Variants in PARN observed in about 807,000 individuals in gnomAD.
The protein encoded by PARN is poly(A)-specific ribonuclease, also known as poly(A)-specific ribonuclease PARN.
A neutral mutation model predicts 102.8 loss-of-function variants in PARN; 71 were observed. The observed-to-expected ratio is 0.69, with a 90% CI of 0.57 to 0.84. PARN has a LOEUF of 0.84. PARN is among the 40% of genes least tolerant of loss of function. The pLI, the probability that PARN is intolerant of heterozygous loss-of-function variation, is 0.00. For synonymous variants in PARN, 261 were observed against 252.9 expected (o/e 1.03, Z -0.30); for missense variants, 782 against 760.9 (o/e 1.03, Z -0.33).
chr16:14,514,223 C>T (rs1161577959), intron 21 of PARN, among the ~76,000 whole-genome samples: 3 of 152,266 alleles, frequency 2.0e-5, no homozygotes, highest in African/African-American at 7.2e-5. Context: ...TTTGCTCTGT[C>T]ACCCAGGCTG....
At chr16:14,598,795 G>A (rs1970687844) in intron 12 of PARN, among the ~76,000 whole-genome samples, 1 of 152,160 alleles carries the variant, frequency 6.6e-6, no homozygotes, top group Non-Finnish European at 1.5e-5. Context: ...GTGTTTACAA[G>A]CCTGCAGCTG....
At chr16:14,463,826 A>C (rs566401404) in intron 22 of PARN, among the ~76,000 whole-genome samples, 1 of 137,048 alleles carries the variant, frequency 7.3e-6, no homozygotes, top group South Asian at 2.5e-4. Flanking sequence ...AAAAAGTCCA[A>C]ACTTTTTTTT....
chr16:14,570,358 A>C (rs1968721830), intron 18 of PARN, among the ~76,000 whole-genome samples: 1 of 149,936 alleles, frequency 6.7e-6, no homozygotes, highest in African/African-American at 2.4e-5. Context: ...AGAAAAGAAA[A>C]AGGAAAGAGG....
chr16:14,595,355 C>T (rs1970438065), intron 12 of PARN, among the ~76,000 whole-genome samples: 1 of 151,980 alleles, frequency 6.6e-6, no homozygotes, highest in Non-Finnish European at 1.5e-5. Context: ...CGCACACACA[C>T]ACAAACACAC....
chr16:14,623,409 G>C (rs553979668), intron 5 of PARN, among the ~76,000 whole-genome samples: 3 of 152,090 alleles, frequency 2.0e-5, no homozygotes, highest in Non-Finnish European at 4.4e-5. Flanking sequence ...AGCCACTCCA[G>C]AGGCTCAGGC....
intron 21 of PARN, among the ~76,000 whole-genome samples, chr16:14,499,995 T>C (rs1242511319): frequency 6.6e-6 from 1 of 152,192 alleles, no homozygotes; most frequent in Non-Finnish European, 1.5e-5. Context: ...CAACACAAAT[T>C]AGGAAACTGA....
At chr16:14,574,414 T>G (rs1416906721) in intron 18 of PARN, among the ~76,000 whole-genome samples, 1 of 152,036 alleles carries the variant, frequency 6.6e-6, no homozygotes, top group Non-Finnish European at 1.5e-5. Context: ...CCTGACAATG[T>G]GATAGACAAG....
intron 23 of PARN, among the ~76,000 whole-genome samples, chr16:14,441,194 T>C (rs1294216999): frequency 6.6e-6 from 1 of 152,184 alleles, no homozygotes; most frequent in Non-Finnish European, 1.5e-5. Flanking sequence ...GCAACAATGC[T>C]TGTTACCACA....
intron 13 of PARN, among the ~76,000 whole-genome samples, chr16:14,592,518 G>C (rs1596783690): frequency 1.3e-5 from 2 of 152,220 alleles, no homozygotes; most frequent in Non-Finnish European, 2.9e-5. Flanking sequence ...AGAGCCAGTA[G>C]AGGAACCAAA....
chr16:14,610,094 T>C (rs1332312262), intron 7 of PARN, among the ~76,000 whole-genome samples: 1 of 152,176 alleles, frequency 6.6e-6, no homozygotes, highest in Non-Finnish European at 1.5e-5. Context: ...TCTGACCACG[T>C]ACTGAAATCT....
In PARN at chr16:14,436,596, T is replaced by C; in HGVS notation, c.*121A>G. On this transcript the variant is annotated 3_prime_UTR_variant, in exon 24 of 24. Coordinates refer to ENST00000437198, the MANE Select transcript of PARN (RefSeq NM_002582.4). The stretch of plus-strand genomic sequence containing the variant: ...TGTTTTCTCCCCCCCAGGAGACAAC[T>C]TGGTTTCCAACCCCTCCCATACCAC... 2 of 695,698 alleles carry C rather than the reference T, an allele frequency of 2.9e-6. No individual in the cohort carries two copies. The highest frequency in any genetic ancestry group is 2.5e-6 in the Non-Finnish European group (1 of 401,336). 43.1% of individuals were successfully genotyped at this position (695,698 alleles called of 1,614,324 possible).
intron 21 of PARN, among the ~76,000 whole-genome samples, chr16:14,500,030 T>C (rs1377577289): frequency 6.6e-6 from 1 of 152,204 alleles, no homozygotes; most frequent in African/African-American, 2.4e-5. Flanking sequence ...AAGTCAGGTA[T>C]ACAGAGAGAA....
At chr16:14,491,725 C>T (rs1964067184) in intron 21 of PARN, among the ~76,000 whole-genome samples, 1 of 152,072 alleles carries the variant, frequency 6.6e-6, no homozygotes, top group South Asian at 2.1e-4. Flanking sequence ...TAAGCCAAGA[C>T]TGCACCACTA....
At chr16:14,568,988 G>C (rs993619762) in intron 18 of PARN, among the ~76,000 whole-genome samples, 1 of 152,008 alleles carries the variant, frequency 6.6e-6, no homozygotes, top group African/African-American at 2.4e-5. Flanking sequence ...GAGGTGGGCG[G>C]ATCACTTGAG....
intron 23 of PARN, among the ~76,000 whole-genome samples, chr16:14,439,885 G>C (rs1350255310): frequency 6.6e-6 from 1 of 151,962 alleles, no homozygotes; most frequent in Non-Finnish European, 1.5e-5. Context: ...CGTGGTGGCA[G>C]GCGCCTGTAA....
chr16:14,533,784 C>T (rs1966487854), intron 21 of PARN, among the ~76,000 whole-genome samples: 1 of 152,196 alleles, frequency 6.6e-6, no homozygotes, highest in African/African-American at 2.4e-5. Flanking sequence ...CCAGGATCTT[C>T]CCTTTATCAC....
At position 14,446,902 on chromosome 16, in the gene PARN, T is replaced by C. The variant is rs1340012887; in HGVS notation, c.1850A>G (p.Glu617Gly). ...CCAATACAAACCTGCTGGAGAAAGCTCCTTCTTCATTCTTTTTAATTTCTT... is the reference window on the plus strand; with the variant it reads ...CCAATACAAACCTGCTGGAGAAAGCCCCTTCTTCATTCTTTTTAATTTCTT... ...KAKKLKRMKK[E>G]LSPAGSISKN... Residue 617 changes from glutamate to glycine, a missense_variant, in exon 23 of 24, where the codon GAG becomes GGG. Glu to Gly is a moderately conservative substitution (Grantham distance 98, BLOSUM62 -2). Transcript: ENST00000437198. 2 of 1,612,438 alleles carry C rather than the reference T, an allele frequency of 1.2e-6. No homozygotes were observed. Among genetic ancestry groups the C allele is most frequent in the Non-Finnish European group, 1.7e-6 (2 of 1,179,178 alleles).
intron 18 of PARN, among the ~76,000 whole-genome samples, chr16:14,570,227 T>A (rs1363428276): frequency 1.5e-5 from 2 of 135,202 alleles, no homozygotes; most frequent in East Asian, 4.4e-4. Flanking sequence ...TAATCCCAAC[T>A]ACTCAGGAGG....
At chr16:14,502,622 A>C (rs1964681987) in intron 21 of PARN, among the ~76,000 whole-genome samples, 1 of 152,266 alleles carries the variant, frequency 6.6e-6, no homozygotes, top group Admixed American at 6.5e-5. Flanking sequence ...AATTAGCCAC[A>C]TCAAGTACAT....
Sources: allele counts gnomAD v4.1 joint callset (sites outside exome capture counted in the v4.1 genomes callset), GRCh38; gene constraint gnomAD v4.1.1; transcripts MANE v1.5; gene names NCBI Gene and HGNC (gene_info 2026-07-23, HGNC 2026-07-21).